The following STAB2 variants were observed in gnomAD, a reference collection of about 807,000 sequenced individuals.
The protein encoded by STAB2 is stabilin-2.
Under a neutral mutation model 338.1 loss-of-function variants are expected in STAB2, and 288 were observed. The observed-to-expected ratio is 0.85, with a 90% CI of 0.77 to 0.94. STAB2 has a LOEUF of 0.94. Among genes scored for constraint, STAB2 ranks in the 40% least tolerant of loss-of-function variants. The pLI is 0.00. For missense variants in STAB2, 3,141 were observed against 3,210.1 expected (o/e 0.98, Z 0.52); for synonymous variants, 1,202 against 1,193.3 (o/e 1.01, Z -0.15).
At chr12:103,616,853 GCT>G (rs1238216785) in intron 3 of STAB2, among the ~76,000 whole-genome samples, 1 of 152,222 alleles carries the variant, frequency 6.6e-6, no homozygotes, top group African/African-American at 2.4e-5. Flanking sequence ...TTATGAAGAT[GCT>G]CTCTTAGCAC....
At chr12:103,738,092 C>T (rs1475485898) in intron 53 of STAB2, among the ~76,000 whole-genome samples, 2 of 152,150 alleles carry the variant, frequency 1.3e-5, no homozygotes, top group African/African-American at 2.4e-5. Flanking sequence ...AAACACATCC[C>T]TCTATTCAGT....
At chr12:103,650,666 C>T in intron 11 of STAB2, 88 bp downstream of exon 11, 1 of 1,099,742 alleles carries the variant, frequency 9.1e-7, no homozygotes, top group Non-Finnish European at 1.3e-6. Context: ...TGGGAAATCC[C>T]CATTAAAATT....
Position 103,708,493 on chromosome 12 carries a change from C to G in STAB2, c.4245C>G (p.Ser1415=). 1.2e-6 allele frequency: 2 copies of G among 1,614,056 alleles called. No homozygotes were observed. Among genetic ancestry groups the G allele is most frequent in the Non-Finnish European group, 1.7e-6 (2 of 1,179,940 alleles). Residue 1415 remains serine (S), a synonymous_variant, in exon 39 of 69, where the codon TCC becomes TCG. Coordinates refer to ENST00000388887, the MANE Select transcript of STAB2 (RefSeq NM_017564.10). ...RCNQGPLGDG[S]CDCDVGWRGV... is the part of the protein sequence containing the mutation. ...ACCAAGGACCCTTGGGAGATGGCTC[C>G]TGTGACTGTGATGTTGGCTGGCGAG...
intron 61 of STAB2, chr12:103,754,945 C>CA (rs755475468): frequency 0.12 from 19,114 of 158,962 alleles, 588 homozygotes; most frequent in Admixed American, 0.15. Flanking sequence ...GACTCCACCT[C>CA]AAAAAAAAAA....
At position 103,703,270 on chromosome 12, in the gene STAB2, T is replaced by C; in HGVS notation, c.3837T>C (p.Ile1279=). 1.2e-6 allele frequency: 2 copies of C among 1,612,644 alleles called. No homozygotes were observed. Reference sequence around the variant, plus strand: ...GATGTGATAATAATGACACTACTATTATACGAGTAAGTTCTATGGGCCAGA... The same window carrying C: ...GATGTGATAATAATGACACTACTATCATACGAGTAAGTTCTATGGGCCAGA... ...KNRCDNNDTT[I]IRGRCRTCSS... is the part of the protein sequence containing the mutation. Residue 1279 remains isoleucine (I), a synonymous_variant, in exon 35 of 69, where the codon ATT becomes ATC. Transcript: ENST00000388887.
In STAB2 at chr12:103,739,953, C is replaced by T. The variant is rs77360069; in HGVS notation, c.5754+485C>T. Among the ~76,000 whole-genome samples the T allele has an allele frequency of 6.1e-3, 932 of 152,204 alleles. 17 individuals carry two copies. Among genetic ancestry groups the T allele is most frequent in the East Asian group, 0.028 (143 of 5,162 alleles). On this transcript the variant is annotated intron_variant, in intron 54 of 68. Transcript: ENST00000388887. ...AAGGAGCAATGCTAGGATGAAAGTC[C>T]AGAGAGCAATGGAGAGTAATGTTTA...
At position 103,637,647 on chromosome 12, in the gene STAB2, T is replaced by C. The variant is rs192010998; in HGVS notation, c.710-369T>C. Among the ~76,000 whole-genome samples, 243 of 152,356 alleles carry C rather than the reference T, an allele frequency of 1.6e-3. 2 individuals are homozygous for C. The highest frequency in any genetic ancestry group is 5.5e-3 in the African/African-American group (229 of 41,584). On this transcript the variant is annotated intron_variant, in intron 7 of 68. Transcript: ENST00000388887. ...TGCCGTGTCTCAGTTTTTCTGTCTA[T>C]GAAATGGGGATAATAATGGTACCTA...
In STAB2 at chr12:103,762,479, G is replaced by A. The variant is rs1165707834; in HGVS notation, c.7488+77G>A. 51 of 1,602,762 alleles carry A rather than the reference G, an allele frequency of 3.2e-5. No individual in the cohort carries two copies. In the East Asian group the frequency reaches 3.6e-4, roughly 11 times the overall value. On this transcript the variant is annotated intron_variant, in intron 67 of 68. Transcript: ENST00000388887. ...TCCCTGGACCTGGGCTGCTTCAGTC[G>A]GTGGCTGCGCCAGAGTCCTCACCCA...
rs540663641 is a variant in STAB2, at chr12:103,742,553, G to C, written c.6030G>C (p.Leu2010=). 1 of 1,614,028 alleles carries C rather than the reference G, an allele frequency of 6.2e-7. No individual in the cohort carries two copies. The highest frequency in any genetic ancestry group is 8.5e-7 in the Non-Finnish European group (1 of 1,180,024). ...CWPGRFGPDC[L]PCGCSDHGQC... is the part of the protein sequence containing the mutation. Reference sequence around the variant, plus strand: ...CGGGGAGATTCGGGCCTGATTGTCTGCGTATGTGGCGCCGCTTCTCCGTGC... The same window carrying C: ...CGGGGAGATTCGGGCCTGATTGTCTCCGTATGTGGCGCCGCTTCTCCGTGC... Residue 2010 remains leucine (L), a splice_region_variant and synonymous_variant, in exon 56 of 69, where the codon CTG becomes CTC. Coordinates refer to ENST00000388887, the MANE Select transcript of STAB2 (RefSeq NM_017564.10).
intron 6 of STAB2, among the ~76,000 whole-genome samples, chr12:103,635,252 C>T (rs147598773): frequency 2.2e-3 from 328 of 152,322 alleles, no homozygotes; most frequent in African/African-American, 7.6e-3. Flanking sequence ...TCCAAAGCCA[C>T]CCTTTTTGCC....
At chr12:103,670,205 G>A (rs1402808607) in intron 21 of STAB2, among the ~76,000 whole-genome samples, 3 of 152,164 alleles carry the variant, frequency 2.0e-5, no homozygotes, top group Non-Finnish European at 4.4e-5. Flanking sequence ...AATAGGGAGA[G>A]GCCAGTACAA....
intron 25 of STAB2, among the ~76,000 whole-genome samples, chr12:103,679,712 G>T (rs1876724810): frequency 6.6e-6 from 1 of 152,126 alleles, no homozygotes; most frequent in South Asian, 2.1e-4. Context: ...ATGGAAAACA[G>T]CACAGCAATT....
intron 48 of STAB2, among the ~76,000 whole-genome samples, chr12:103,729,576 G>C (rs1881474183): frequency 6.6e-6 from 1 of 152,180 alleles, no homozygotes; most frequent in African/African-American, 2.4e-5. Context: ...GCTCAGAAAG[G>C]TTAAGTAACT....
chr12:103,637,089 C>T, intron 6 of STAB2, 22 bp from the exon 7 acceptor site: 1 of 1,587,176 alleles, frequency 6.3e-7, no homozygotes, highest in Non-Finnish European at 8.5e-7. Flanking sequence ...AATGCAAGTA[C>T]TTCAACAATT....
intron 50 of STAB2, 139 bp downstream of exon 50, chr12:103,731,774 G>C (rs1881653788): frequency 1.3e-6 from 1 of 762,518 alleles, no homozygotes; most frequent in Non-Finnish European, 2.1e-6. Context: ...CAGTTTTCTG[G>C]AGAGCAAAGT....
chr12:103,679,985 T>C (rs1257026385), intron 25 of STAB2, among the ~76,000 whole-genome samples: 2 of 152,180 alleles, frequency 1.3e-5, no homozygotes, highest in African/African-American at 4.8e-5. Context: ...GCAACATGGG[T>C]GAACCTTGAA....
At chr12:103,619,787 C>T (rs1203249250) in intron 3 of STAB2, among the ~76,000 whole-genome samples, 2 of 150,908 alleles carry the variant, frequency 1.3e-5, no homozygotes, top group Non-Finnish European at 2.9e-5. Context: ...TCACACCCAG[C>T]TCCCAAGTCC....
At chr12:103,637,645 T>G (rs1957570006) in intron 7 of STAB2, among the ~76,000 whole-genome samples, 1 of 152,236 alleles carries the variant, frequency 6.6e-6, no homozygotes, top group African/African-American at 2.4e-5. Flanking sequence ...TTTTTCTGTC[T>G]ATGAAATGGG....
intron 65 of STAB2, among the ~76,000 whole-genome samples, chr12:103,760,881 G>A (rs1425519382): frequency 2.0e-5 from 3 of 152,188 alleles, no homozygotes. Flanking sequence ...AAGGCACAGG[G>A]CCTCAGCTTC....
Sources: gnomAD v4.1 joint callset for allele counts (sites outside exome capture counted in the v4.1 genomes callset) on GRCh38, gnomAD v4.1.1 for gene constraint, MANE v1.5 for transcripts, NCBI Gene and HGNC (gene_info 2026-07-23, HGNC 2026-07-21) for gene names.